MAL2: variants seen among roughly 807,000 people sequenced by gnomAD.
MAL2 encodes the protein protein MAL2.
A neutral mutation model predicts 18.1 loss-of-function variants in MAL2; 17 were observed. The observed-to-expected ratio is 0.94, with a 90% CI of 0.64 to 1.41. MAL2 has a LOEUF of 1.41. Ranked by LOEUF, MAL2 falls within the 40% of genes most tolerant of loss-of-function variation. The pLI, the probability that MAL2 is intolerant of heterozygous loss-of-function variation, is 0.00. For missense variants in MAL2, 222 were observed against 231.9 expected, an observed-to-expected ratio of 0.96 and a Z score of 0.28; for synonymous variants, 102 against 102.3, an observed-to-expected ratio of 1.00 and a Z score of 0.02.
Position 119,208,387 on chromosome 8 carries a change from C to T in MAL2, c.-86C>T, listed in dbSNP as rs1346835319. The stretch of plus-strand genomic sequence containing the variant: ...CGCGCCCGGAGCCCGCGGAGCTGAG[C>T]GGCGGCGGCGGCGGCGGCAGGAGCC... On this transcript the variant is annotated 5_prime_UTR_variant, in exon 1 of 4. Coordinates refer to ENST00000614891, the MANE Select transcript of MAL2 (RefSeq NM_052886.3). This position sits in a 1 kb window ranked among gnomAD's most constrained non-coding sequence, Gnocchi z 4.3. The T allele has an allele frequency of 3.8e-5, 24 of 632,242 alleles. No homozygotes were observed. Among genetic ancestry groups the T allele is most frequent in the Non-Finnish European group, 2.8e-5 (14 of 504,008 alleles). 39.2% of individuals were successfully genotyped at this position (632,242 alleles called of 1,614,324 possible). A position where few individuals can be genotyped will look rare whatever the true frequency, so the allele number is the denominator to read the frequency against.
intron 2 of MAL2, among the ~76,000 whole-genome samples, chr8:119,228,632 A>C (rs1817646159): frequency 6.6e-6 from 1 of 151,238 alleles, no homozygotes; most frequent in Non-Finnish European, 1.5e-5. Context: ...ACCCATTTCC[A>C]CTCCTGCTTT....
In MAL2 at chr8:119,221,665, G is replaced by A; in HGVS notation, c.211G>A (p.Val71Met). 1 of 1,613,924 alleles carries A rather than the reference G, an allele frequency of 6.2e-7. No individual in the cohort carries two copies. Among genetic ancestry groups the A allele is most frequent in the Non-Finnish European group, 8.5e-7 (1 of 1,179,852 alleles). Residue 71 changes from valine to methionine, a missense_variant, in exon 2 of 4, where the codon GTG (valine) becomes ATG (methionine). Val to Met is a conservative substitution (Grantham distance 21). Coordinates refer to ENST00000614891, the MANE Select transcript of MAL2 (RefSeq NM_052886.3). ...LPLLQGWVMF[V>M]SVTAFFFSLL... ...TCTACTACAAGGATGGGTCATGTTT[G>A]TGTCCGTGACAGCGTTTTTCTTTTC...
intron 2 of MAL2, among the ~76,000 whole-genome samples, chr8:119,238,555 A>C (rs549264183): frequency 3.3e-5 from 5 of 149,766 alleles, no homozygotes; most frequent in Admixed American, 1.3e-4. Context: ...CCAAAACAGC[A>C]TGGTACTGGG....
At chr8:119,210,731 G>C (rs1396338409) in intron 1 of MAL2, among the ~76,000 whole-genome samples, 1 of 152,034 alleles carries the variant, frequency 6.6e-6, no homozygotes, top group Admixed American at 6.5e-5. Context: ...ATTTCCTCTG[G>C]CTTCTTACAT....
chr8:119,235,639 A>G (rs966175929), intron 2 of MAL2, among the ~76,000 whole-genome samples: 2 of 151,970 alleles, frequency 1.3e-5, no homozygotes, highest in Non-Finnish European at 2.9e-5. Context: ...GTGGGGGCCA[A>G]TATTCAACAT....
In MAL2 at chr8:119,240,192, G is replaced by A; in HGVS notation, c.331G>A (p.Val111Ile). ...LDFAYHFTVF[V>I]FYFGAFLLEA... Reference sequence around the variant, plus strand: ...TTTTGCCTACCATTTTACAGTATTTGTCTTCTATTTTGGAGCCTTTTTATT... The same window carrying A: ...TTTTGCCTACCATTTTACAGTATTTATCTTCTATTTTGGAGCCTTTTTATT... The change falls in exon 3 of 4, where the codon GTC (valine) becomes ATC (isoleucine). Residue 111 changes from valine to isoleucine, a missense_variant. Transcript: ENST00000614891. 6.2e-7 allele frequency: 1 copy of A among 1,613,138 alleles called. No homozygotes were observed. The highest frequency in any genetic ancestry group is 8.5e-7 in the Non-Finnish European group (1 of 1,179,574).
At chr8:119,229,962 T>A (rs917208640) in intron 2 of MAL2, among the ~76,000 whole-genome samples, 7 of 152,162 alleles carry the variant, frequency 4.6e-5, no homozygotes, top group African/African-American at 1.7e-4. Flanking sequence ...CTTGCTCAGG[T>A]CAATATCATA....
intron 2 of MAL2, chr8:119,224,214 C>A (rs1817533137): frequency 6.6e-6 from 1 of 152,090 alleles, no homozygotes; most frequent in Non-Finnish European, 1.5e-5. Flanking sequence ...TAAAAATATA[C>A]TATCTAATAA....
At position 119,240,340 on chromosome 8, in the gene MAL2, G is replaced by A. The variant is rs547923993; in HGVS notation, c.459+20G>A. ...GCCTCAGTAAGTATTCATATTCAAT[G>A]AGTACCATTCACCAGCACTTCCGCT... On this transcript the variant is annotated intron_variant, in intron 3 of 3. Transcript: ENST00000614891. The A allele has an allele frequency of 4.3e-6, 7 of 1,610,072 alleles. No homozygotes were observed. The highest frequency in any genetic ancestry group is 3.3e-5 in the South Asian group (3 of 90,614).
intron 2 of MAL2, among the ~76,000 whole-genome samples, chr8:119,222,573 G>A (rs986814803): frequency 2.0e-5 from 3 of 149,948 alleles, no homozygotes; most frequent in African/African-American, 4.9e-5. Flanking sequence ...CATGCCTATA[G>A]TCCCAGGACT....
rs573984504 is a variant in MAL2, at chr8:119,234,438, G to C, written c.304-5727G>C. Among the ~76,000 whole-genome samples the C allele has an allele frequency of 1.4e-3, 217 of 152,304 alleles. 1 individual carries two copies. The highest frequency in any genetic ancestry group is 4.9e-3 in the African/African-American group (202 of 41,574). Reference sequence around the variant, plus strand: ...GGTAAACAAAGCAGCCCGGAAGCTCGAACTGGGTGGAGCCCACCACAGCTC... The same window carrying C: ...GGTAAACAAAGCAGCCCGGAAGCTCCAACTGGGTGGAGCCCACCACAGCTC... On this transcript the variant is annotated intron_variant, in intron 2 of 3. Coordinates refer to ENST00000614891, the MANE Select transcript of MAL2 (RefSeq NM_052886.3).
At chr8:119,219,081 G>GT (rs1420369890) in intron 1 of MAL2, among the ~76,000 whole-genome samples, 1 of 152,154 alleles carries the variant, frequency 6.6e-6, no homozygotes, top group African/African-American at 2.4e-5. Flanking sequence ...TTAGGAACAA[G>GT]TTTTTTCTTT....
At chr8:119,216,716 C>G (rs553026400) in intron 1 of MAL2, among the ~76,000 whole-genome samples, 3 of 152,166 alleles carry the variant, frequency 2.0e-5, no homozygotes, top group African/African-American at 7.2e-5. Context: ...GAGCTTAATA[C>G]GGAAAGTTCT....
intron 1 of MAL2, among the ~76,000 whole-genome samples, chr8:119,213,616 C>G (rs566133531): frequency 5.3e-5 from 8 of 152,162 alleles, no homozygotes; most frequent in African/African-American, 1.4e-4. Flanking sequence ...GTCAGGAGTT[C>G]AAGACCAGCC....
At chr8:119,216,374 A>C (rs967786599) in intron 1 of MAL2, among the ~76,000 whole-genome samples, 3 of 152,232 alleles carry the variant, frequency 2.0e-5, no homozygotes, top group Non-Finnish European at 4.4e-5. Flanking sequence ...TCTAACACTT[A>C]TTAACTATAT....
intron 3 of MAL2, among the ~76,000 whole-genome samples, chr8:119,242,364 A>G (rs115941992): frequency 0.023 from 3,490 of 152,182 alleles, 124 homozygotes; most frequent in African/African-American, 0.078. Context: ...GTAAACCTCT[A>G]CATGCTTCAA....
chr8:119,223,526 T>G (rs1169437775), intron 2 of MAL2: 1 of 152,196 alleles, frequency 6.6e-6, no homozygotes, highest in Admixed American at 6.5e-5. Flanking sequence ...GTTAAGCGTT[T>G]CTGTTGTTTT....
rs762538971 is a variant in MAL2, at chr8:119,243,508, G to A, written c.*20G>A. On this transcript the variant is annotated 3_prime_UTR_variant, in exon 4 of 4. Coordinates refer to ENST00000614891, the MANE Select transcript of MAL2 (RefSeq NM_052886.3). ...CCGTAACACTCCTTAGAAACTGGCA[G>A]TCGTATGTTAGTTTCACTTGTCTAC... The A allele has an allele frequency of 1.3e-6, 2 of 1,566,770 alleles. No homozygotes were observed. The highest frequency in any genetic ancestry group is 1.7e-6 in the Non-Finnish European group (2 of 1,154,198).
intron 2 of MAL2, among the ~76,000 whole-genome samples, chr8:119,239,514 C>A (rs560234690): frequency 3.3e-5 from 5 of 152,060 alleles, no homozygotes; most frequent in Middle Eastern, 3.4e-3. Context: ...AGACTTGGAA[C>A]CAACCCAAAT....
Sources: allele counts gnomAD v4.1 joint callset (sites outside exome capture counted in the v4.1 genomes callset), GRCh38; gene constraint gnomAD v4.1.1; non-coding constraint Gnocchi (gnomAD v3.1); transcripts MANE v1.5; gene names NCBI Gene and HGNC (gene_info 2026-07-23, HGNC 2026-07-21).